Variants in DDR2 observed in about 807,000 individuals in gnomAD.
DDR2 encodes the protein discoidin domain-containing receptor 2.
In DDR2, 27 loss-of-function variants were observed where a neutral mutation model predicts 94.9. The observed-to-expected ratio is 0.28, with a 90% CI of 0.21 to 0.39. The LOEUF (loss-of-function observed/expected upper bound fraction) is 0.39, where lower values mean the gene tolerates loss of function less well. Ranked by LOEUF, DDR2 falls within the 10% of genes least tolerant of loss-of-function variation. DDR2 has a pLI of 1.00. For synonymous variants in DDR2, 382 were observed against 377.2 expected, an observed-to-expected ratio of 1.01 and a Z score of -0.15; for missense variants, 783 against 1,076.0, an observed-to-expected ratio of 0.73 and a Z score of 3.81.
At chr1:162,692,919 AC>A (rs1440715143) in intron 2 of DDR2, among the ~76,000 whole-genome samples, 1 of 152,182 alleles carries the variant, frequency 6.6e-6, no homozygotes, top group Non-Finnish European at 1.5e-5. Flanking sequence ...AATTGGAAAT[AC>A]CCAGACATTC....
intron 2 of DDR2, among the ~76,000 whole-genome samples, chr1:162,664,916 C>G (rs1350126809): frequency 2.6e-5 from 4 of 152,136 alleles, no homozygotes; most frequent in African/African-American, 4.8e-5. Context: ...TTTCCTTGCT[C>G]TTAGTTATTT....
At chr1:162,776,613 C>A (rs1272489483) in intron 16 of DDR2, among the ~76,000 whole-genome samples, 1 of 152,162 alleles carries the variant, frequency 6.6e-6, no homozygotes, top group African/African-American at 2.4e-5. Context: ...GATTTATTAT[C>A]TTTGTTTCTC....
At chr1:162,680,650 G>A (rs1659356120) in intron 2 of DDR2, among the ~76,000 whole-genome samples, 2 of 152,116 alleles carry the variant, frequency 1.3e-5, no homozygotes, top group African/African-American at 2.4e-5. Context: ...CTTTGGAATG[G>A]CATTTAGGAT....
chr1:162,722,197 G>A lies in DDR2; in HGVS notation c.82+3052G>A, dbSNP rs578058463. ...GATAGTTGGCTGAAGCACGAAGGCA[G>A]CAGAGTTTTTGGCTCACTGTTCTAA... On this transcript the variant is annotated intron_variant, in intron 3 of 17. Transcript: ENST00000367921. Among the ~76,000 whole-genome samples the A allele has an allele frequency of 2.6e-5, 4 of 152,336 alleles. No individual in the cohort carries two copies. The South Asian group carries it at 8.3e-4, about 32-fold the overall frequency.
intron 2 of DDR2, among the ~76,000 whole-genome samples, chr1:162,671,725 C>G (rs1022051121): frequency 5.3e-5 from 8 of 152,148 alleles, no homozygotes; most frequent in African/African-American, 1.9e-4. Flanking sequence ...GACACCTCCT[C>G]GTGAAAGCCC....
chr1:162,679,871 T>A (rs1659321164), intron 2 of DDR2, among the ~76,000 whole-genome samples: 1 of 152,218 alleles, frequency 6.6e-6, no homozygotes, highest in African/African-American at 2.4e-5. Flanking sequence ...TGATTTGCAG[T>A]GCTCTAATGA....
intron 3 of DDR2, among the ~76,000 whole-genome samples, chr1:162,741,263 G>GTAATGTAATGTAATATAATATAATA (rs1318503829): frequency 1.6e-5 from 2 of 125,320 alleles, no homozygotes; most frequent in Non-Finnish European, 3.3e-5. Context: ...GTAATGTAAT[G>GTAATGTAATGTAATATAATATAATA]TAATATAATA....
chr1:162,683,772 A>T (rs1055442801), intron 2 of DDR2, among the ~76,000 whole-genome samples: 1 of 152,128 alleles, frequency 6.6e-6, no homozygotes, highest in Non-Finnish European at 1.5e-5. Flanking sequence ...TACTTGACAT[A>T]GTAAAGACAC....
intron 2 of DDR2, among the ~76,000 whole-genome samples, chr1:162,702,670 A>C (rs1171707482): frequency 6.6e-6 from 1 of 152,204 alleles, no homozygotes; most frequent in African/African-American, 2.4e-5. Context: ...CATAGGATCT[A>C]ATTACATAAG....
chr1:162,777,162 A>G (rs992220227), intron 16 of DDR2, among the ~76,000 whole-genome samples: 2 of 152,054 alleles, frequency 1.3e-5, no homozygotes, highest in African/African-American at 4.8e-5. Flanking sequence ...ATTCCCTTGC[A>G]CTCACCAGGA....
chr1:162,654,616 G>A (rs6698107), intron 1 of DDR2, among the ~76,000 whole-genome samples: 139,136 of 152,088 alleles, frequency 0.91, 64,229 homozygotes, highest in Middle Eastern at 0.98. Context: ...ACTTTTCATC[G>A]TGTGGAGCAG....
chr1:162,719,073 A>C lies in DDR2; in HGVS notation c.10A>C (p.Ile4Leu), dbSNP rs1356835812. Residue 4 changes from isoleucine (I) to leucine (L), a missense_variant, in exon 3 of 18, where the codon ATT (isoleucine) becomes CTT (leucine). By Grantham distance (5) the Ile-to-Leu change is conservative. Around this residue, in one of 2 missense-constraint regions of DDR2, gnomAD observed 519 missense variants for 647.9 expected, o/e 0.80. Coordinates refer to ENST00000367921, the MANE Select transcript of DDR2 (RefSeq NM_006182.4). ...AACACCATCTTCTGAGATGATCCTG[A>C]TTCCCAGAATGCTCTTGGTGCTGTT... is the stretch of plus-strand genomic sequence containing the variant. MIL[I>L]PRMLLVLFLL... 1.2e-6 allele frequency: 2 copies of C among 1,613,834 alleles called. No homozygotes were observed. The highest frequency in any genetic ancestry group is 3.3e-5 in the Admixed American group (2 of 60,016).
rs773962213 is a variant in DDR2 at position 162,775,826 on chromosome 1, C to T, written c.2031C>T (p.Ser677=). ...ACGAGCCCCCTAATTCTTCCTCCAG[C>T]GATGTACGCACTGTCAGGTAAACAA... is the stretch of plus-strand genomic sequence containing the variant. ...SRHEPPNSSS[S]DVRTVSYTNL... Residue 677 remains serine, a synonymous_variant, in exon 15 of 18, where the codon AGC becomes AGT. Transcript: ENST00000367921. 23 of 1,613,864 alleles carry T rather than the reference C, an allele frequency of 1.4e-5. No individual in the cohort carries two copies. The highest frequency in any genetic ancestry group is 3.3e-4 in the Middle Eastern group (2 of 6,084).
intron 3 of DDR2, among the ~76,000 whole-genome samples, chr1:162,747,361 C>T (rs1263683731): frequency 6.6e-6 from 1 of 152,068 alleles, no homozygotes; most frequent in East Asian, 1.9e-4. Context: ...GGCACGAGAA[C>T]TACGTGATGC....
intron 2 of DDR2, among the ~76,000 whole-genome samples, chr1:162,665,278 G>A (rs1029418526): frequency 3.3e-5 from 5 of 152,112 alleles, no homozygotes; most frequent in African/African-American, 1.2e-4. Flanking sequence ...ATTTTGACAA[G>A]GCAGTTAGCT....
chr1:162,754,656 G>A lies in DDR2; in HGVS notation c.218G>A (p.Cys73Tyr). Residue 73 changes from cysteine (C) to tyrosine (Y), a missense_variant, in exon 5 of 18, where the codon TGC becomes TAC. Cys to Tyr is a radical substitution (Grantham distance 194, BLOSUM62 -2). This residue lies in a region of DDR2 where 519 missense variants were observed against 647.9 expected (regional missense o/e 0.80). Transcript: ENST00000367921. ...TCAGAAGAAGGGGATGGAGCCTGGT[G>A]CCCTGAGATTCCAGTGGAACCTGAT... ...LDSEEGDGAW[C>Y]PEIPVEPDDL... The A allele has an allele frequency of 6.2e-7, 1 of 1,614,142 alleles. No homozygotes were observed.
chr1:162,715,869 T>C (rs1661145272), intron 2 of DDR2, among the ~76,000 whole-genome samples: 2 of 152,180 alleles, frequency 1.3e-5, no homozygotes, highest in African/African-American at 4.8e-5. Flanking sequence ...GTCATCTAAT[T>C]TTAGGCAAAA....
At chr1:162,732,535 G>C (rs1241858407) in intron 3 of DDR2, among the ~76,000 whole-genome samples, 1 of 152,206 alleles carries the variant, frequency 6.6e-6, no homozygotes, top group Admixed American at 6.5e-5. Context: ...GGCCTCAGAG[G>C]TTCTGATATT....
At chr1:162,695,642 G>A (rs1233990384) in intron 2 of DDR2, among the ~76,000 whole-genome samples, 1 of 152,294 alleles carries the variant, frequency 6.6e-6, no homozygotes, top group South Asian at 2.1e-4. Flanking sequence ...ACTTAAAATG[G>A]GGATGTGGAG....
Sources: gnomAD v4.1 joint callset for allele counts (sites outside exome capture counted in the v4.1 genomes callset) on GRCh38, gnomAD v4.1.1 for gene constraint, gnomAD v4.1.1 regional missense constraint, MANE v1.5 for transcripts, NCBI Gene and HGNC (gene_info 2026-07-23, HGNC 2026-07-21) for gene names.